The following NAALADL2 variants were observed in gnomAD, a reference collection of about 807,000 sequenced individuals.
NAALADL2 encodes inactive N-acetylated-alpha-linked acidic dipeptidase-like protein 2.
A neutral mutation model predicts 87.2 loss-of-function variants in NAALADL2; 76 were observed. That is an observed-to-expected ratio of 0.87 (90% CI 0.72 to 1.05). NAALADL2 has a LOEUF of 1.05. NAALADL2 is among the 50% of genes least tolerant of loss of function. NAALADL2 has a pLI of 0.00. For missense variants in NAALADL2, 1,089 were observed against 945.8 expected (o/e 1.15, Z -1.99); for synonymous variants, 354 against 331.0 (o/e 1.07, Z -0.75).
chr3:175,242,370 A>G (rs1747077679), intron 3 of NAALADL2: 1 of 152,202 alleles, frequency 6.6e-6, no homozygotes, highest in Non-Finnish European at 1.5e-5. Context: ...TTTGTTTACA[A>G]ATAACACTTA....
intron 1 of NAALADL2, among the ~76,000 whole-genome samples, chr3:174,510,666 T>C (rs1719541650): frequency 6.6e-6 from 1 of 152,018 alleles, no homozygotes; most frequent in South Asian, 2.1e-4. Flanking sequence ...TTTTTGATTT[T>C]CTGTATTGTT....
At chr3:175,512,407 A>T (rs1419758187) in intron 9 of NAALADL2, among the ~76,000 whole-genome samples, 1 of 152,190 alleles carries the variant, frequency 6.6e-6, no homozygotes, top group Non-Finnish European at 1.5e-5. Flanking sequence ...GAACTTTTAA[A>T]TAATTATAAT....
intron 2 of NAALADL2, among the ~76,000 whole-genome samples, chr3:174,558,998 A>C (rs1713228191): frequency 6.6e-6 from 1 of 152,148 alleles, no homozygotes; most frequent in Admixed American, 6.5e-5. Context: ...CATTCAGTTC[A>C]GAATGATTGC....
chr3:175,138,565 A>C (rs1729486975), intron 2 of NAALADL2, among the ~76,000 whole-genome samples: 1 of 151,686 alleles, frequency 6.6e-6, no homozygotes, highest in South Asian at 2.1e-4. Flanking sequence ...AAATGAGTTT[A>C]CTGCAAACTT....
chr3:174,706,902 C>T (rs1156840800), intron 2 of NAALADL2, among the ~76,000 whole-genome samples: 2 of 152,078 alleles, frequency 1.3e-5, no homozygotes, highest in Non-Finnish European at 2.9e-5. Context: ...GAATCCTTTC[C>T]CCATTTCTCA....
At chr3:174,548,016 A>G (rs1289179551) in intron 1 of NAALADL2, among the ~76,000 whole-genome samples, 2 of 152,228 alleles carry the variant, frequency 1.3e-5, no homozygotes, top group African/African-American at 4.8e-5. Flanking sequence ...AATATGTGCA[A>G]TCTTTTTGGA....
chr3:175,183,755 C>T (rs1736941228), intron 2 of NAALADL2, among the ~76,000 whole-genome samples: 1 of 152,020 alleles, frequency 6.6e-6, no homozygotes, highest in South Asian at 2.1e-4. Context: ...AGGACATTTG[C>T]ATCTATGTTG....
intron 11 of NAALADL2, among the ~76,000 whole-genome samples, chr3:175,685,226 C>T (rs186279331): frequency 7.2e-5 from 11 of 152,262 alleles, no homozygotes; most frequent in African/African-American, 2.4e-4. Context: ...CTTTGCCCAC[C>T]TCCATCTATG....
rs1300174191 is a variant in NAALADL2 at position 174,743,121 on chromosome 3, A to G, written c.-9+5375A>G. Among the ~76,000 whole-genome samples the G allele has an allele frequency of 2.0e-5, 3 of 151,890 alleles. No homozygotes were observed. In the East Asian group the frequency reaches 5.8e-4, roughly 29 times the overall value. On this transcript the variant is annotated intron_variant, in intron 3 of 3. Coordinates refer to the NAALADL2 transcript ENST00000434257. ...TCAAAGTAAATATCCTATCAACGAA[A>G]TAAGTTGACTGCTTAGGATTTTGCT...
chr3:175,785,586 G>A (rs1751817801), intron 13 of NAALADL2, among the ~76,000 whole-genome samples: 1 of 138,864 alleles, frequency 7.2e-6, no homozygotes, highest in African/African-American at 2.9e-5. Context: ...TTTATTTTGA[G>A]CCTGTGTGTG....
intron 2 of NAALADL2, among the ~76,000 whole-genome samples, chr3:174,703,180 C>A (rs564484132): frequency 1.3e-5 from 2 of 152,078 alleles, no homozygotes; most frequent in South Asian, 2.1e-4. Context: ...CACTTTGTTG[C>A]CCAAGGTGGA....
At chr3:175,324,995 A>G (rs1005152777) in intron 5 of NAALADL2, among the ~76,000 whole-genome samples, 4 of 152,040 alleles carry the variant, frequency 2.6e-5, no homozygotes, top group African/African-American at 9.7e-5. Context: ...CCGATGTGTC[A>G]TTGGCGGATA....
intron 1 of NAALADL2, among the ~76,000 whole-genome samples, chr3:174,987,522 T>C (rs1307720236): frequency 8.5e-6 from 1 of 117,220 alleles, no homozygotes; most frequent in African/African-American, 4.0e-5. Context: ...TGAGCCGAGA[T>C]TGCGCCACTG....
At chr3:175,278,998 T>C (rs987594463) in intron 4 of NAALADL2, among the ~76,000 whole-genome samples, 1 of 152,196 alleles carries the variant, frequency 6.6e-6, no homozygotes, top group African/African-American at 2.4e-5. Context: ...CTAGATGAAG[T>C]GAGCATACGG....
At chr3:175,061,417 A>G (rs1199179865) in intron 1 of NAALADL2, among the ~76,000 whole-genome samples, 1 of 152,150 alleles carries the variant, frequency 6.6e-6, no homozygotes, top group African/African-American at 2.4e-5. Flanking sequence ...ATTCTGTTAC[A>G]TCTGTTGCTG....
chr3:175,006,913 A>C (rs1205826346), intron 1 of NAALADL2, among the ~76,000 whole-genome samples: 2 of 151,370 alleles, frequency 1.3e-5, no homozygotes, highest in Non-Finnish European at 2.9e-5. Context: ...TGTAAGGAGG[A>C]GTATACAAGT....
chr3:174,856,881 A>T (rs941957365), upstream of NAALADL2, among the ~76,000 whole-genome samples: 11 of 152,140 alleles, frequency 7.2e-5, no homozygotes, highest in Non-Finnish European at 1.5e-4. Context: ...CTTAGTTAAG[A>T]TGGAAAAGGC....
At chr3:175,271,821 C>T (rs1239231368) in intron 4 of NAALADL2, among the ~76,000 whole-genome samples, 2 of 150,990 alleles carry the variant, frequency 1.3e-5, no homozygotes, top group Non-Finnish European at 2.9e-5. Context: ...AATTAAAAAG[C>T]CGCCACTTAA....
intron 2 of NAALADL2, among the ~76,000 whole-genome samples, chr3:174,715,820 T>C (rs1353414315): frequency 1.3e-5 from 2 of 152,116 alleles, no homozygotes; most frequent in Non-Finnish European, 2.9e-5. Context: ...GTGAGTGTGT[T>C]GTGGATAAAA....
Sources: allele counts gnomAD v4.1 joint callset (sites outside exome capture counted in the v4.1 genomes callset), GRCh38; gene constraint gnomAD v4.1.1; transcripts MANE v1.5; gene names NCBI Gene and HGNC (gene_info 2026-07-23, HGNC 2026-07-21).